Variants in LARGE1 observed in about 807,000 individuals in gnomAD.
LARGE1 encodes LARGE xylosyl- and glucuronyltransferase 1.
Under a neutral mutation model 87.6 loss-of-function variants are expected in LARGE1, and 43 were observed. The ratio of observed to expected loss-of-function variants is 0.49; its 90% CI spans 0.38 to 0.63. The LOEUF (loss-of-function observed/expected upper bound fraction) is 0.63. Ranked by LOEUF, LARGE1 falls within the 30% of genes least tolerant of loss-of-function variation. LARGE1 has a pLI of 0.00. For synonymous variants in LARGE1, 434 were observed against 394.6 expected, an observed-to-expected ratio of 1.10 and a Z score of -1.18; for missense variants, 802 against 1,000.2, an observed-to-expected ratio of 0.80 and a Z score of 2.67.
At chr22:33,439,116 A>T (rs751659863) in intron 6 of LARGE1, among the ~76,000 whole-genome samples, 2 of 151,932 alleles carry the variant, frequency 1.3e-5, no homozygotes, top group Non-Finnish European at 2.9e-5. Context: ...TGGGAGGCTA[A>T]GGCATGAGAA....
At chr22:33,463,129 A>G (rs888189953) in intron 6 of LARGE1, among the ~76,000 whole-genome samples, 4 of 152,066 alleles carry the variant, frequency 2.6e-5, no homozygotes, top group Non-Finnish European at 5.9e-5. Flanking sequence ...CACAATATCA[A>G]GTGGCAGAAA....
chr22:33,650,544 G>A lies in LARGE1; in HGVS notation c.231C>T (p.Arg77=). 8 of 1,610,208 alleles carry A rather than the reference G, an allele frequency of 5.0e-6. No homozygotes were observed. The highest frequency in any genetic ancestry group is 2.2e-5 in the South Asian group (2 of 91,060). The change falls in exon 3 of 15, where the codon CGC becomes CGT. Residue 77 remains arginine, a synonymous_variant. Transcript: ENST00000397394. ...CCAGGCTGAGCTGCCTGCGGAGGGC[G>A]CGGTTCTCCTCCTCCACCTCGCGCA... is the stretch of plus-strand genomic sequence containing the variant. ...VRMREVEEEN[R]ALRRQLSLAQ...
At chr22:33,768,090 A>T (rs1389534842) in intron 1 of LARGE1, among the ~76,000 whole-genome samples, 1 of 152,206 alleles carries the variant, frequency 6.6e-6, no homozygotes, top group Admixed American at 6.5e-5. Flanking sequence ...CAGGCGAATC[A>T]TGAGGTCAGG....
At chr22:33,467,220 T>A (rs1569189784) in intron 6 of LARGE1, among the ~76,000 whole-genome samples, 1 of 152,222 alleles carries the variant, frequency 6.6e-6, no homozygotes, top group Non-Finnish European at 1.5e-5. Context: ...TATCTGAATT[T>A]GTACAAATTG....
At chr22:33,802,006 T>C (rs1208210254) in intron 1 of LARGE1, among the ~76,000 whole-genome samples, 1 of 150,238 alleles carries the variant, frequency 6.7e-6, no homozygotes, top group Non-Finnish European at 1.5e-5. Context: ...GAAAGTCCTC[T>C]GAAAAAATGC....
chr22:33,203,131 G>A (rs951125731), intron 11 of LARGE1, among the ~76,000 whole-genome samples: 2 of 150,018 alleles, frequency 1.3e-5, no homozygotes, highest in East Asian at 3.9e-4. Context: ...GTGTGCAAGA[G>A]AGAATGAGAG....
At chr22:33,879,064 C>G (rs2064578513) in intron 1 of LARGE1, among the ~76,000 whole-genome samples, 1 of 151,886 alleles carries the variant, frequency 6.6e-6, no homozygotes, top group Admixed American at 6.6e-5. Flanking sequence ...CCTCTGCCTC[C>G]TGGGTTCAAG....
At chr22:33,425,805 C>T (rs772245010) in intron 7 of LARGE1, among the ~76,000 whole-genome samples, 10 of 152,148 alleles carry the variant, frequency 6.6e-5, no homozygotes, top group African/African-American at 2.2e-4. Context: ...GGCACGATCT[C>T]GGCTCACTGC....
chr22:33,508,964 G>C (rs1379215070), intron 6 of LARGE1, among the ~76,000 whole-genome samples: 1 of 152,204 alleles, frequency 6.6e-6, no homozygotes, highest in African/African-American at 2.4e-5. Context: ...AGTGCTGGCA[G>C]TTACTTAGCT....
At chr22:33,442,481 C>T (rs552894088) in intron 6 of LARGE1, among the ~76,000 whole-genome samples, 122 of 152,270 alleles carry the variant, frequency 8.0e-4, no homozygotes, top group African/African-American at 2.6e-3. Flanking sequence ...AATTCTGATA[C>T]AGGGTAGGTT....
At chr22:33,410,975 A>G (rs2066287318) in intron 7 of LARGE1, among the ~76,000 whole-genome samples, 1 of 152,172 alleles carries the variant, frequency 6.6e-6, no homozygotes, top group African/African-American at 2.4e-5. Flanking sequence ...TCTTCAAGGA[A>G]ACCACGTTCT....
intron 1 of LARGE1, among the ~76,000 whole-genome samples, chr22:33,831,994 T>C (rs975479392): frequency 3.9e-5 from 6 of 152,162 alleles, no homozygotes; most frequent in Non-Finnish European, 7.3e-5. Flanking sequence ...GTTCCTGCAG[T>C]TCCCACTGGC....
intron 9 of LARGE1, among the ~76,000 whole-genome samples, chr22:33,340,719 C>G (rs567043599): frequency 1.3e-5 from 2 of 151,876 alleles, no homozygotes; most frequent in Admixed American, 1.3e-4. Context: ...ACTTCACCAG[C>G]AGTTTTACAT....
intron 11 of LARGE1, among the ~76,000 whole-genome samples, chr22:33,192,713 CT>C (rs1447183390): frequency 1.3e-5 from 2 of 152,032 alleles, no homozygotes; most frequent in African/African-American, 2.4e-5. Flanking sequence ...GTGGCCTGTG[CT>C]TTTGGGGTCA....
intron 9 of LARGE1, among the ~76,000 whole-genome samples, chr22:33,346,746 A>G (rs1429893256): frequency 6.6e-6 from 1 of 152,052 alleles, no homozygotes; most frequent in Non-Finnish European, 1.5e-5. Flanking sequence ...ACAGAACACT[A>G]ACTTTGTTTG....
At chr22:33,628,280 G>C (rs1357829199) in intron 3 of LARGE1, among the ~76,000 whole-genome samples, 1 of 151,026 alleles carries the variant, frequency 6.6e-6, no homozygotes, top group Non-Finnish European at 1.5e-5. Context: ...CCCAGGCTTA[G>C]AGAATTGGGA....
intron 3 of LARGE1, 117 bp downstream of exon 3, chr22:33,650,250 C>G: frequency 7.6e-7 from 1 of 1,308,736 alleles, no homozygotes; most frequent in South Asian, 1.2e-5. Flanking sequence ...CACACCCGGG[C>G]TAGAATCAAG....
intron 1 of LARGE1, among the ~76,000 whole-genome samples, chr22:33,842,477 G>C (rs738949): frequency 0.23 from 34,438 of 152,000 alleles, 4,079 homozygotes; most frequent in East Asian, 0.41. Flanking sequence ...TTCATATCTT[G>C]AGCAATTGTA....
rs1276418333 is a variant in LARGE1, at chr22:33,476,641, T to C, written c.788-44376A>G. Among the ~76,000 whole-genome samples, 7 of 152,228 alleles carry C rather than the reference T, an allele frequency of 4.6e-5. No individual in the cohort carries two copies. The East Asian group carries it at 1.3e-3, about 29-fold the overall frequency. ...ACTGCTCTCAGATACTTTGGGTTCA[T>C]ATGTCCTTTAAATGAAGTAACATTT... On this transcript the variant is annotated intron_variant, in intron 6 of 14. Transcript: ENST00000397394.
Sources: allele counts gnomAD v4.1 joint callset (sites outside exome capture counted in the v4.1 genomes callset), GRCh38; gene constraint gnomAD v4.1.1; transcripts MANE v1.5; gene names NCBI Gene and HGNC (gene_info 2026-07-23, HGNC 2026-07-21).